Variants in CSMD1 observed in about 807,000 individuals in gnomAD.
The protein encoded by CSMD1 is CUB and Sushi multiple domains 1, also known as CUB and sushi domain-containing protein 1.
CSMD1 carries 213 observed loss-of-function variants against 417.5 expected under a neutral mutation model. The ratio of observed to expected loss-of-function variants is 0.51; its 90% CI spans 0.46 to 0.57. CSMD1 has a LOEUF of 0.57. Ranked by LOEUF, CSMD1 falls within the 20% of genes least tolerant of loss-of-function variation. The pLI, the probability that CSMD1 is intolerant of heterozygous loss-of-function variation, is 0.00. For missense variants in CSMD1, 6,923 were observed against 4,529.7 expected, an observed-to-expected ratio of 1.53 and a Z score of -15.17; for synonymous variants, 2,862 against 1,736.8, an observed-to-expected ratio of 1.65 and a Z score of -16.11.
intron 1 of CSMD1, among the ~76,000 whole-genome samples, chr8:4,814,212 G>A (rs958519937): frequency 6.6e-6 from 1 of 151,238 alleles, no homozygotes; most frequent in African/African-American, 2.4e-5. Flanking sequence ...GTGTGTGTGT[G>A]TGTGTGCGTG....
intron 5 of CSMD1, among the ~76,000 whole-genome samples, chr8:3,907,109 C>T (rs11786370): frequency 0.52 from 79,527 of 152,082 alleles, 24,332 homozygotes; most frequent in South Asian, 0.66. Flanking sequence ...CCTTCTTCTT[C>T]GGCTTCCCAC....
intron 7 of CSMD1, among the ~76,000 whole-genome samples, chr8:3,695,360 A>C (rs887554625): frequency 6.6e-6 from 1 of 151,660 alleles, no homozygotes; most frequent in East Asian, 1.9e-4. Flanking sequence ...AATAACCACA[A>C]AAAAAAATAA....
intron 5 of CSMD1, among the ~76,000 whole-genome samples, chr8:3,976,987 T>C (rs751807162): frequency 6.6e-6 from 1 of 152,172 alleles, no homozygotes; most frequent in Admixed American, 6.5e-5. Flanking sequence ...TAGGTATTAG[T>C]GTGCAGTGGG....
chr8:3,464,102 T>C (rs891146395), intron 12 of CSMD1, among the ~76,000 whole-genome samples: 6 of 152,294 alleles, frequency 3.9e-5, no homozygotes, highest in Non-Finnish European at 7.4e-5. Context: ...CAGGAAACAG[T>C]TCCTTTAATT....
intron 3 of CSMD1, among the ~76,000 whole-genome samples, chr8:4,352,954 A>G (rs1051727415): frequency 1.3e-5 from 2 of 152,232 alleles, no homozygotes; most frequent in Non-Finnish European, 2.9e-5. Context: ...TGTAGGGCTA[A>G]TTATGGTAAA....
chr8:3,745,584 A>G (rs1464187899), intron 6 of CSMD1, among the ~76,000 whole-genome samples: 3 of 152,098 alleles, frequency 2.0e-5, no homozygotes, highest in East Asian at 3.9e-4. Flanking sequence ...CTCCTCAACC[A>G]TTTTGGAACT....
At chr8:4,648,477 G>A (rs569334956) in intron 1 of CSMD1, among the ~76,000 whole-genome samples, 1 of 152,038 alleles carries the variant, frequency 6.6e-6, no homozygotes, top group South Asian at 2.1e-4. Context: ...CACACACCAT[G>A]CATGCATGCA....
At chr8:3,809,948 T>C (rs1253836574) in intron 5 of CSMD1, among the ~76,000 whole-genome samples, 2 of 152,176 alleles carry the variant, frequency 1.3e-5, no homozygotes, top group Non-Finnish European at 2.9e-5. Flanking sequence ...AACATTTACT[T>C]ACTCAAGGGC....
rs35240431 is a variant in CSMD1 at position 4,306,835 on chromosome 8, TA to T, written c.415+113117del. Among the ~76,000 whole-genome samples the T allele has an allele frequency of 9.9e-5, 15 of 151,446 alleles. 1 individual carries two copies. Among genetic ancestry groups the T allele is most frequent in the African/African-American group, 3.6e-4 (15 of 41,210 alleles). ...AATCAATCCCTAACATCTCCAGATTTAAAAAAAATCTAATAATTTTTCAATC... is the reference window on the plus strand; with the variant it reads ...AATCAATCCCTAACATCTCCAGATTTAAAAAAATCTAATAATTTTTCAATC... On this transcript the variant is annotated intron_variant, in intron 3 of 69. Coordinates refer to ENST00000635120, the MANE Select transcript of CSMD1 (RefSeq NM_033225.6).
At chr8:4,208,483 T>C (rs2131278269) in intron 3 of CSMD1, among the ~76,000 whole-genome samples, 1 of 152,356 alleles carries the variant, frequency 6.6e-6, no homozygotes, top group East Asian at 1.9e-4. Context: ...TTTCTATTCA[T>C]CTGCGTTCTG....
chr8:3,191,048 A>G (rs1348281596), intron 33 of CSMD1, among the ~76,000 whole-genome samples: 1 of 152,190 alleles, frequency 6.6e-6, no homozygotes, highest in Non-Finnish European at 1.5e-5. Flanking sequence ...GACCTGCTCT[A>G]CAGCACTGTG....
intron 57 of CSMD1, among the ~76,000 whole-genome samples, chr8:2,968,368 A>G (rs1265253001): frequency 6.6e-6 from 1 of 152,208 alleles, no homozygotes; most frequent in Non-Finnish European, 1.5e-5. Context: ...TTTGCTATTC[A>G]ATTGTATGTC....
chr8:4,310,058 A>T (rs1181396826), intron 3 of CSMD1, among the ~76,000 whole-genome samples: 3 of 152,304 alleles, frequency 2.0e-5, no homozygotes, highest in Admixed American at 2.0e-4. Flanking sequence ...TGGAAAGATG[A>T]AGTATCAGGA....
intron 26 of CSMD1, among the ~76,000 whole-genome samples, chr8:3,283,540 A>G (rs1802903300): frequency 6.6e-6 from 1 of 152,028 alleles, no homozygotes; most frequent in African/African-American, 2.4e-5. Flanking sequence ...GACAGTGTTC[A>G]GAACCACTCC....
intron 26 of CSMD1, among the ~76,000 whole-genome samples, chr8:3,266,100 T>C (rs1179631487): frequency 6.6e-6 from 1 of 151,148 alleles, no homozygotes; most frequent in South Asian, 2.1e-4. Context: ...GGGGAAAAAT[T>C]AATTTGCAAA....
At chr8:4,588,533 G>C (rs561968350) in intron 2 of CSMD1, among the ~76,000 whole-genome samples, 1 of 152,014 alleles carries the variant, frequency 6.6e-6, no homozygotes, top group South Asian at 2.1e-4. Flanking sequence ...GGTGGCACAT[G>C]CCTGTAATCC....
intron 5 of CSMD1, among the ~76,000 whole-genome samples, chr8:3,914,383 G>A (rs2554684): frequency 6.6e-6 from 1 of 151,764 alleles, no homozygotes; most frequent in Admixed American, 6.5e-5. Context: ...AAAAACATAC[G>A]GGTACAGATA....
At chr8:3,391,047 G>C (rs931362381) in intron 17 of CSMD1, among the ~76,000 whole-genome samples, 1 of 152,162 alleles carries the variant, frequency 6.6e-6, no homozygotes, top group Non-Finnish European at 1.5e-5. Flanking sequence ...ATGCATCCAT[G>C]CGTGTGCCTG....
chr8:4,284,572 A>T (rs1168813723), intron 3 of CSMD1, among the ~76,000 whole-genome samples: 1 of 152,166 alleles, frequency 6.6e-6, no homozygotes, highest in Non-Finnish European at 1.5e-5. Flanking sequence ...TTTATTGGGC[A>T]GTCTAAGCAA....
Sources: allele counts gnomAD v4.1 joint callset (sites outside exome capture counted in the v4.1 genomes callset), GRCh38; gene constraint gnomAD v4.1.1; transcripts MANE v1.5; gene names NCBI Gene and HGNC (gene_info 2026-07-23, HGNC 2026-07-21).